Variants in PTPRF observed in about 807,000 individuals in gnomAD.
PTPRF encodes receptor-type tyrosine-protein phosphatase F.
Under a neutral mutation model 201.8 loss-of-function variants are expected in PTPRF, and 59 were observed. The observed-to-expected ratio is 0.29, with a 90% CI of 0.24 to 0.36. The LOEUF is 0.36. PTPRF is among the 10% of genes least tolerant of loss of function. PTPRF has a pLI of 1.00. For missense variants in PTPRF, 2,132 were observed against 2,690.5 expected (o/e 0.79, Z 4.59); for synonymous variants, 1,088 against 1,089.7 (o/e 1.00, Z 0.03).
intron 11 of PTPRF, among the ~76,000 whole-genome samples, chr1:43,596,240 G>A (rs538490683): frequency 6.6e-6 from 1 of 152,256 alleles, no homozygotes; most frequent in East Asian, 1.9e-4. Context: ...ACAAGGGGGT[G>A]GGGTCTGCAA....
At position 43,619,862 on chromosome 1, in the gene PTPRF, A is replaced by G. The variant is rs1361828908; in HGVS notation, c.5111+4A>G. ...CCAGCTTCCTGGATGGTTATAGGTC[A>G]GCATGCATGTCACTGCCCCACCATG... On this transcript the variant is annotated splice_donor_region_variant and intron_variant, in intron 29 of 33. Transcript: ENST00000359947. 4.3e-6 allele frequency: 7 copies of G among 1,613,528 alleles called. No homozygotes were observed. The highest frequency in any genetic ancestry group is 1.3e-5 in the African/African-American group (1 of 74,952).
rs373369452 is a variant in PTPRF, at chr1:43,605,454, G to A, written c.3389+11G>A. The A allele has an allele frequency of 8.7e-6, 14 of 1,610,108 alleles. No individual in the cohort carries two copies. Among genetic ancestry groups the A allele is most frequent in the African/African-American group, 2.7e-5 (2 of 74,866 alleles). ...CCCCTCGCTTGTCAGGTGTGCACAC[G>A]AGGTATCGGGGGAGGCGGGGCAGGG... is the stretch of plus-strand genomic sequence containing the variant. On this transcript the variant is annotated intron_variant, in intron 18 of 33. Transcript: ENST00000359947.
At chr1:43,587,591 A>G (rs1649483070) in intron 7 of PTPRF, among the ~76,000 whole-genome samples, 1 of 152,082 alleles carries the variant, frequency 6.6e-6, no homozygotes, top group African/African-American at 2.4e-5. Context: ...GATGCTCCTT[A>G]TGTGGTGCTG....
Position 43,537,842 on chromosome 1 carries a change from G to A in PTPRF, c.-125-356G>A, listed in dbSNP as rs1644117067. On this transcript the variant is annotated intron_variant, in intron 1 of 33. Coordinates refer to ENST00000359947, the MANE Select transcript of PTPRF (RefSeq NM_002840.5). This position sits in a 1 kb window ranked among gnomAD's most constrained non-coding sequence, Gnocchi z 4.8. Reference sequence around the variant, plus strand: ...CAGGAGGAGAGCATGGGCAGGTAGGGCTGCAGAGGTGGGAGGGGCCGACTC... The same window carrying A: ...CAGGAGGAGAGCATGGGCAGGTAGGACTGCAGAGGTGGGAGGGGCCGACTC... 6.6e-6 allele frequency among the ~76,000 whole-genome samples: 1 copy of A among 152,126 alleles called. No individual in the cohort carries two copies. Among genetic ancestry groups the A allele is most frequent in the Non-Finnish European group, 1.5e-5 (1 of 68,026 alleles).
intron 22 of PTPRF, 66 bp from the exon 23 acceptor site, chr1:43,613,552 G>A: frequency 7.5e-7 from 1 of 1,332,522 alleles, no homozygotes; most frequent in Non-Finnish European, 1.1e-6. Flanking sequence ...CATGCGTTGG[G>A]GCTTTCTCTG....
intron 8 of PTPRF, among the ~76,000 whole-genome samples, chr1:43,589,352 C>T (rs1443479820): frequency 6.6e-6 from 1 of 151,890 alleles, no homozygotes; most frequent in African/African-American, 2.4e-5. Flanking sequence ...TCACTTGCCC[C>T]AGGGTCACAT....
chr1:43,573,977 C>CTTTTTTTTTTTTTTTTTTTT (rs77543816), intron 6 of PTPRF, among the ~76,000 whole-genome samples: 1 of 63,918 alleles, frequency 1.6e-5, no homozygotes, highest in Non-Finnish European at 2.7e-5. Flanking sequence ...TGTGTGGGTT[C>CTTTTTTTTTTTTTTTTTTTT]TTTTTTTTTT....
intron 11 of PTPRF, among the ~76,000 whole-genome samples, chr1:43,595,511 C>T (rs1409365840): frequency 2.6e-5 from 4 of 152,140 alleles, no homozygotes; most frequent in African/African-American, 4.8e-5. Context: ...TGAGCCACCG[C>T]GCCCGGCCTG....
chr1:43,540,843 G>T (rs1056555389), intron 2 of PTPRF, among the ~76,000 whole-genome samples: 32 of 152,246 alleles, frequency 2.1e-4, no homozygotes, highest in Admixed American at 1.6e-3. Flanking sequence ...AGGGGTCCTG[G>T]CTGAGACTAT....
chr1:43,533,292 G>A (rs1370941644), intron 1 of PTPRF, among the ~76,000 whole-genome samples: 1 of 152,188 alleles, frequency 6.6e-6, no homozygotes, highest in Non-Finnish European at 1.5e-5. Context: ...CAAGAGAGGA[G>A]GGGGTGGTTG....
chr1:43,604,919 C>T lies in PTPRF; in HGVS notation c.3054C>T (p.Phe1018=). The T allele has an allele frequency of 6.2e-7, 1 of 1,614,108 alleles. No individual in the cohort carries two copies. Among genetic ancestry groups the T allele is most frequent in the Non-Finnish European group, 8.5e-7 (1 of 1,180,038 alleles). The change falls in exon 17 of 34, where the codon TTC becomes TTT. Residue 1018 remains phenylalanine (F), a synonymous_variant. Coordinates refer to ENST00000359947, the MANE Select transcript of PTPRF (RefSeq NM_002840.5). ...MPVEQVFAKN[F]RVAAAMKTSV... ...CCTTTGCAGTGTTTGCCAAGAACTT[C>T]CGGGTGGCGGCTGCAATGAAGACGT... is the stretch of plus-strand genomic sequence containing the variant.
At chr1:43,617,628 A>T in intron 24 of PTPRF, 60 bp downstream of exon 24, 1 of 1,609,618 alleles carries the variant, frequency 6.2e-7, no homozygotes, top group Non-Finnish European at 8.5e-7. Flanking sequence ...CTAGGGCAAC[A>T]TGTCATTCTA....
upstream of PTPRF, among the ~76,000 whole-genome samples, chr1:43,522,802 T>C (rs1357910621): frequency 6.7e-6 from 1 of 150,080 alleles, no homozygotes; most frequent in Non-Finnish European, 1.5e-5. Flanking sequence ...ACCAGAAGCG[T>C]TGTGTTGGAT....
chr1:43,619,638 C>T, intron 28 of PTPRF, 42 bp from the exon 29 acceptor site: 7 of 1,611,004 alleles, frequency 4.3e-6, no homozygotes, highest in Non-Finnish European at 5.9e-6. Flanking sequence ...GACCCCCACC[C>T]CCACAGGAAG....
At chr1:43,529,655 G>A (rs1643284169), upstream of PTPRF, among the ~76,000 whole-genome samples, 1 of 152,146 alleles carries the variant, frequency 6.6e-6, no homozygotes, top group Non-Finnish European at 1.5e-5. Flanking sequence ...GGGGTAGATA[G>A]GAAAGAGCTG....
At chr1:43,617,695 AC>A (rs1408368279) in intron 24 of PTPRF, 40 bp from the exon 25 acceptor site, 1 of 1,602,410 alleles carries the variant, frequency 6.2e-7, no homozygotes, top group Admixed American at 1.7e-5. Context: ...TGGGCTGGGG[AC>A]CCTGTAGTAA....
intron 5 of PTPRF, among the ~76,000 whole-genome samples, chr1:43,555,311 T>TAC (rs2153974185): frequency 7.6e-6 from 1 of 131,990 alleles, no homozygotes; most frequent in Admixed American, 8.1e-5. Flanking sequence ...TGTGCATACA[T>TAC]ATATATGTGT....
At chr1:43,607,752 C>T (rs1034050985) in intron 21 of PTPRF, among the ~76,000 whole-genome samples, 1 of 152,262 alleles carries the variant, frequency 6.6e-6, no homozygotes, top group African/African-American at 2.4e-5. Flanking sequence ...GGTGTGCCCT[C>T]TGCGGATCTC....
chr1:43,622,088 G>A lies in PTPRF; in HGVS notation c.*85G>A, dbSNP rs1312177140. ...TCTGAGCCATACCGACCATCGTCCA[G>A]CCCTCCTACGCAGATGCTGTCACTG... On this transcript the variant is annotated 3_prime_UTR_variant, in exon 34 of 34. Coordinates refer to ENST00000359947, the MANE Select transcript of PTPRF (RefSeq NM_002840.5). The A allele has an allele frequency of 4.2e-6, 6 of 1,412,724 alleles. No homozygotes were observed. In the Admixed American group the frequency reaches 5.1e-5, roughly 12 times the overall value. The allele number at this position is 1,412,724 out of a possible 1,614,324, so 87.5% of individuals were successfully genotyped here. A position where few individuals can be genotyped will look rare whatever the true frequency, so the allele number is the denominator to read the frequency against.
Sources: gnomAD v4.1 joint callset for allele counts (sites outside exome capture counted in the v4.1 genomes callset) on GRCh38, gnomAD v4.1.1 for gene constraint, Gnocchi (gnomAD v3.1) non-coding constraint, MANE v1.5 for transcripts, NCBI Gene and HGNC (gene_info 2026-07-23, HGNC 2026-07-21) for gene names.